Variants in ADAMTS16 observed in about 807,000 individuals in gnomAD.
ADAMTS16 encodes ADAM metallopeptidase with thrombospondin type 1 motif 16.
A neutral mutation model predicts 145.8 loss-of-function variants in ADAMTS16; 94 were observed. The ratio of observed to expected loss-of-function variants is 0.64; its 90% CI spans 0.55 to 0.77. ADAMTS16 has a LOEUF of 0.77. Among genes scored for constraint, ADAMTS16 ranks in the 30% least tolerant of loss-of-function variants. The pLI is 0.00. For missense variants in ADAMTS16, 1,585 were observed against 1,591.5 expected, an observed-to-expected ratio of 1.00 and a Z score of 0.07; for synonymous variants, 659 against 604.3, an observed-to-expected ratio of 1.09 and a Z score of -1.33.
At chr5:5,233,036 G>A (rs1036944661) in intron 12 of ADAMTS16, among the ~76,000 whole-genome samples, 2 of 71,638 alleles carry the variant, frequency 2.8e-5, no homozygotes, top group Admixed American at 4.2e-4. Flanking sequence ...CCTGACCACA[G>A]CAAAAAAATA....
At chr5:5,204,018 G>A (rs1269484052) in intron 9 of ADAMTS16, among the ~76,000 whole-genome samples, 1 of 152,124 alleles carries the variant, frequency 6.6e-6, no homozygotes, top group Non-Finnish European at 1.5e-5. Context: ...TTAAATCATG[G>A]CCAGTTGTTG....
intron 8 of ADAMTS16, 47 bp from the exon 9 acceptor site, chr5:5,200,085 C>G (rs1008630006): frequency 6.5e-7 from 1 of 1,535,656 alleles, no homozygotes; most frequent in Non-Finnish European, 8.8e-7. Context: ...ATAATTTAAA[C>G]TGTTTTTGTT....
intron 9 of ADAMTS16, among the ~76,000 whole-genome samples, chr5:5,203,399 G>A (rs1736010257): frequency 6.6e-6 from 1 of 152,164 alleles, no homozygotes; most frequent in Non-Finnish European, 1.5e-5. Context: ...CCACCAATTA[G>A]GTGGCTCTTT....
chr5:5,270,589 G>A (rs1335878399), intron 18 of ADAMTS16, among the ~76,000 whole-genome samples: 2 of 152,192 alleles, frequency 1.3e-5, no homozygotes, highest in Non-Finnish European at 2.9e-5. Context: ...ACTATCCATG[G>A]CAAAAACACA....
At chr5:5,272,374 T>TG (rs1470844400) in intron 18 of ADAMTS16, among the ~76,000 whole-genome samples, 1 of 149,720 alleles carries the variant, frequency 6.7e-6, no homozygotes, top group Admixed American at 6.7e-5. Flanking sequence ...TTTTTTTTTT[T>TG]TTTTTGAGAT....
intron 3 of ADAMTS16, among the ~76,000 whole-genome samples, chr5:5,164,958 T>G (rs1442635634): frequency 6.6e-6 from 1 of 152,118 alleles, no homozygotes; most frequent in African/African-American, 2.4e-5. Flanking sequence ...TCTAAATGCT[T>G]TATTGAGGTA....
At chr5:5,312,343 A>C (rs530246115) in intron 21 of ADAMTS16, among the ~76,000 whole-genome samples, 7 of 152,288 alleles carry the variant, frequency 4.6e-5, no homozygotes, top group African/African-American at 1.7e-4. Flanking sequence ...TATCCTTTGC[A>C]AGCATGTCCT....
At chr5:5,168,650 T>TAA (rs1241413226) in intron 3 of ADAMTS16, among the ~76,000 whole-genome samples, 7 of 108,198 alleles carry the variant, frequency 6.5e-5, no homozygotes, top group Admixed American at 2.3e-4. Flanking sequence ...ATAATTATAT[T>TAA]TATATATTAT....
Position 5,182,152 on chromosome 5 carries a change from C to T in ADAMTS16, c.610C>T (p.Leu204=). Reference sequence around the variant, plus strand: ...CCAAGGCAGCTCGCCATCCCACGTACTGTACAAGAGATCCACAGAGCCCCA... The same window carrying T: ...CCAAGGCAGCTCGCCATCCCACGTATTGTACAAGAGATCCACAGAGCCCCA... ...AAQGSSPSHV[L]YKRSTEPHAP... Residue 204 remains leucine (L), a synonymous_variant, in exon 4 of 23, where the codon CTG becomes TTG. Coordinates refer to ENST00000274181, the MANE Select transcript of ADAMTS16 (RefSeq NM_139056.4). 1 of 1,614,166 alleles carries T rather than the reference C, an allele frequency of 6.2e-7. No homozygotes were observed. The highest frequency in any genetic ancestry group is 8.5e-7 in the Non-Finnish European group (1 of 1,180,046).
intron 17 of ADAMTS16, among the ~76,000 whole-genome samples, chr5:5,258,147 C>T (rs1282769759): frequency 2.0e-5 from 3 of 152,154 alleles, no homozygotes; most frequent in African/African-American, 7.2e-5. Flanking sequence ...TGAATGACAT[C>T]GGAATGATTG....
intron 3 of ADAMTS16, among the ~76,000 whole-genome samples, chr5:5,170,975 T>C (rs968652854): frequency 1.9e-4 from 29 of 152,206 alleles, no homozygotes; most frequent in African/African-American, 6.0e-4. Context: ...GTTTTAATAG[T>C]AGAGATATGT....
intron 21 of ADAMTS16, among the ~76,000 whole-genome samples, chr5:5,314,510 A>AT (rs1362175611): frequency 7.9e-5 from 12 of 152,134 alleles, no homozygotes; most frequent in African/African-American, 2.7e-4. Flanking sequence ...AACAACTTGG[A>AT]TTTTTTTCTT....
At position 5,190,107 on chromosome 5, in the gene ADAMTS16, A is replaced by G; in HGVS notation, c.1184A>G (p.Lys395Arg). 6.2e-7 allele frequency: 1 copy of G among 1,603,724 alleles called. No homozygotes were observed. The highest frequency in any genetic ancestry group is 8.5e-7 in the Non-Finnish European group (1 of 1,175,146). Residue 395 changes from lysine to arginine, a missense_variant, in exon 7 of 23, where the codon AAG (lysine) becomes AGG (arginine). Transcript: ENST00000274181. ...LLTGLDICSW[K>R]NEPCDTLGFA... ...ACTGGTCTGGATATATGTTCCTGGA[A>G]GAATGAGCCCTGTGACACTTTGGGT... is the stretch of plus-strand genomic sequence containing the variant.
chr5:5,216,064 G>A (rs1476417206), intron 10 of ADAMTS16, among the ~76,000 whole-genome samples: 1 of 151,470 alleles, frequency 6.6e-6, no homozygotes, highest in African/African-American at 2.4e-5. Flanking sequence ...CCCAGTAGTG[G>A]GATTGCTGGA....
intron 12 of ADAMTS16, 138 bp downstream of exon 12, chr5:5,232,654 AGTGCAGTGGTGTGATCTTGGCTCACT>A: frequency 9.0e-7 from 1 of 1,106,246 alleles, no homozygotes; most frequent in African/African-American, 1.8e-5. Flanking sequence ...CCCAGGCTGG[AGTGCAGTGGTGTGATCTTGGCTCACT>A]GCAACCTCCG....
intron 18 of ADAMTS16, among the ~76,000 whole-genome samples, chr5:5,270,209 G>C (rs898970127): frequency 6.6e-6 from 1 of 152,142 alleles, no homozygotes; most frequent in Admixed American, 6.6e-5. Flanking sequence ...ATGGAGCTTA[G>C]TAAATTTCTG....
Position 5,156,331 on chromosome 5 carries a change from A to G in ADAMTS16, c.501+9876A>G, listed in dbSNP as rs569775461. On this transcript the variant is annotated intron_variant, in intron 3 of 22. Transcript: ENST00000274181. Reference sequence around the variant, plus strand: ...CAACACTTTCAATAGTGCCTGGCATATAGTAAAGCCCTCAATAAAAATATG... The same window carrying G: ...CAACACTTTCAATAGTGCCTGGCATGTAGTAAAGCCCTCAATAAAAATATG... Among the ~76,000 whole-genome samples, 436 of 152,312 alleles carry G rather than the reference A, an allele frequency of 2.9e-3. 5 individuals carry two copies. The highest frequency in any genetic ancestry group is 9.8e-3 in the African/African-American group (408 of 41,566).
In ADAMTS16 at chr5:5,303,605, C is replaced by T. The variant is rs372030712; in HGVS notation, c.3025C>T (p.Arg1009Trp). The T allele has an allele frequency of 3.9e-5, 63 of 1,614,120 alleles. No individual in the cohort carries two copies. The South Asian group carries it at 4.1e-4, about 10-fold the overall frequency. The change falls in exon 20 of 23, where the codon CGG (arginine) becomes TGG (tryptophan). Residue 1009 changes from arginine to tryptophan, a missense_variant. Transcript: ENST00000274181. Reference protein sequence around the residue: ...SHTCGKGWRKRAVACKSTNPS... With the variant: ...SHTCGKGWRKWAVACKSTNPS... ...CACCTGTGGGAAGGGGTGGAGGAAG[C>T]GGGCAGTGGCCTGTAAGAGCACCAA...
intron 17 of ADAMTS16, 96 bp from the exon 18 acceptor site, chr5:5,262,561 A>G: frequency 2.0e-6 from 3 of 1,511,634 alleles, no homozygotes; most frequent in Non-Finnish European, 1.8e-6. Context: ...CAGTATGGCT[A>G]AGATTCTTTG....
Sources: gnomAD v4.1 joint callset for allele counts (sites outside exome capture counted in the v4.1 genomes callset) on GRCh38, gnomAD v4.1.1 for gene constraint, MANE v1.5 for transcripts, NCBI Gene and HGNC (gene_info 2026-07-23, HGNC 2026-07-21) for gene names.